The following CTNNA1 variants were observed in gnomAD, a reference collection of about 807,000 sequenced individuals.
CTNNA1 encodes catenin alpha 1, also known as catenin alpha-1.
A neutral mutation model predicts 98.4 loss-of-function variants in CTNNA1; 37 were observed. The observed-to-expected ratio is 0.38, with a 90% confidence interval of 0.29 to 0.49. The LOEUF is 0.49. Ranked by LOEUF, CTNNA1 falls within the 20% of genes least tolerant of loss-of-function variation. The pLI is 0.95. For missense variants in CTNNA1, 761 were observed against 1,147.2 expected (o/e 0.66, Z 4.86); for synonymous variants, 404 against 413.2 (o/e 0.98, Z 0.27).
At chr5:138,762,488 T>G (rs1413519315) in intron 1 of CTNNA1, among the ~76,000 whole-genome samples, 1 of 15,568 alleles carries the variant, frequency 6.4e-5, no homozygotes, top group Non-Finnish European at 1.6e-4. Flanking sequence ...TTTTCTTTAG[T>G]TTTTTTTTAT....
chr5:138,892,328 GTTTTTTTTT>G lies in CTNNA1; in HGVS notation c.1296+4707_1296+4715del, dbSNP rs70982738. 4.2e-3 allele frequency among the ~76,000 whole-genome samples: 332 copies of G among 79,216 alleles called. 1 individual carries two copies. Among genetic ancestry groups the G allele is most frequent in the African/African-American group, 5.2e-3 (95 of 18,312 alleles). The allele number at this position is 79,216 out of a possible 152,430, so 52.0% of individuals were successfully genotyped here. A position where few individuals can be genotyped will look rare whatever the true frequency, so the allele number is the denominator to read the frequency against. ...TGGAAAAAGAATATAAAATAGCTTAGTTTTTTTTTTTTTTTTTTTTTTTTTTTTTGAGAC... is the reference window on the plus strand; with the variant it reads ...TGGAAAAAGAATATAAAATAGCTTAGTTTTTTTTTTTTTTTTTTTTGAGAC... On this transcript the variant is annotated intron_variant, in intron 9 of 17. Coordinates refer to ENST00000302763, the MANE Select transcript of CTNNA1 (RefSeq NM_001903.5).
chr5:138,802,878 G>A (rs1179517368), intron 3 of CTNNA1, among the ~76,000 whole-genome samples: 2 of 151,772 alleles, frequency 1.3e-5, no homozygotes, highest in African/African-American at 4.8e-5. Flanking sequence ...GCTCACTGTA[G>A]CCTTGACCTC....
chr5:138,885,028 CTT>C (rs1283822425), intron 7 of CTNNA1, among the ~76,000 whole-genome samples: 1 of 152,204 alleles, frequency 6.6e-6, no homozygotes, highest in East Asian at 1.9e-4. Context: ...TATTTCAACT[CTT>C]ACTATTCCCT....
chr5:138,807,784 G>C (rs959658965), intron 3 of CTNNA1, among the ~76,000 whole-genome samples: 1 of 152,088 alleles, frequency 6.6e-6, no homozygotes, highest in Admixed American at 6.6e-5. Flanking sequence ...TTTCACTCTT[G>C]TTGCTCAGGC....
chr5:138,837,290 A>C (rs975900537), intron 7 of CTNNA1, among the ~76,000 whole-genome samples: 8 of 152,116 alleles, frequency 5.3e-5, no homozygotes, highest in Non-Finnish European at 1.0e-4. Context: ...TTTGGAAGTG[A>C]CGTTCGTTAT....
chr5:138,927,787 G>A (rs1335885744), intron 13 of CTNNA1, among the ~76,000 whole-genome samples: 1 of 152,174 alleles, frequency 6.6e-6, no homozygotes, highest in Admixed American at 6.5e-5. Flanking sequence ...TCTTGGGTCT[G>A]CGATGGGGTG....
chr5:138,765,099 G>A (rs1752784855), intron 1 of CTNNA1, among the ~76,000 whole-genome samples: 1 of 151,882 alleles, frequency 6.6e-6, no homozygotes, highest in South Asian at 2.1e-4. Context: ...GGAGTGCAAT[G>A]GCATGATCTC....
In CTNNA1 at chr5:138,777,988, CTTTTTTTT is replaced by C. The variant is rs777826985; in HGVS notation, c.-2-3919_-2-3912del. On this transcript the variant is annotated intron_variant, in intron 1 of 17. Transcript: ENST00000302763. The stretch of plus-strand genomic sequence containing the variant: ...GGAGGGGAAATGTTTCTTAATCTGT[CTTTTTTTT>C]TTTTTTTTTTTTTTTAAACAGAGTC... Among the ~76,000 whole-genome samples, 66 of 14,858 alleles carry C rather than the reference CTTTTTTTT, an allele frequency of 4.4e-3. 2 individuals are homozygous for C. Among genetic ancestry groups the C allele is most frequent in the African/African-American group, 0.018 (61 of 3,358 alleles). 9.7% of individuals were successfully genotyped at this position (14,858 alleles called of 152,430 possible).
At chr5:138,808,063 A>G (rs1007998144) in intron 3 of CTNNA1, among the ~76,000 whole-genome samples, 4 of 152,142 alleles carry the variant, frequency 2.6e-5, no homozygotes, top group African/African-American at 9.7e-5. Context: ...AGACATTATT[A>G]ATATATTTTT....
rs772215795 is a variant in CTNNA1, at chr5:138,873,613, G to C, written c.1063-12599G>C. On this transcript the variant is annotated intron_variant, in intron 7 of 17. Coordinates refer to ENST00000302763, the MANE Select transcript of CTNNA1 (RefSeq NM_001903.5). This position sits in a 1 kb window ranked among gnomAD's most constrained non-coding sequence, Gnocchi z 6.1. Reference sequence around the variant, plus strand: ...AGGAGGCCAGAGCACATATTCGGGCGCTGCATTCCCACAGATTGCCAGAGA... The same window carrying C: ...AGGAGGCCAGAGCACATATTCGGGCCCTGCATTCCCACAGATTGCCAGAGA... 6.2e-7 allele frequency: 1 copy of C among 1,614,004 alleles called. No individual in the cohort carries two copies.
intron 1 of CTNNA1, among the ~76,000 whole-genome samples, chr5:138,772,357 A>G (rs772256224): frequency 3.3e-5 from 5 of 152,228 alleles, no homozygotes; most frequent in Non-Finnish European, 5.9e-5. Context: ...GCTGTAATTC[A>G]TTAAGGTTGG....
At chr5:138,931,293 T>C (rs549944489) in intron 16 of CTNNA1, among the ~76,000 whole-genome samples, 1 of 152,352 alleles carries the variant, frequency 6.6e-6, no homozygotes, top group South Asian at 2.1e-4. Flanking sequence ...ACTGTGTTTC[T>C]CAGCCACCCC....
At chr5:138,829,017 G>C (rs1468144952) in intron 7 of CTNNA1, among the ~76,000 whole-genome samples, 1 of 152,148 alleles carries the variant, frequency 6.6e-6, no homozygotes, top group East Asian at 1.9e-4. Context: ...AGCTACTCGG[G>C]AGGCTGAGGC....
chr5:138,892,379 GCCCA>G (rs1561668358), intron 9 of CTNNA1, among the ~76,000 whole-genome samples: 3 of 115,956 alleles, frequency 2.6e-5, no homozygotes, highest in Non-Finnish European at 4.9e-5. Context: ...TTGCTCTGTC[GCCCA>G]GGCTGGAGTG....
At chr5:138,922,894 G>A (rs140009928) in intron 11 of CTNNA1, among the ~76,000 whole-genome samples, 342 of 151,698 alleles carry the variant, frequency 2.3e-3, no homozygotes, top group African/African-American at 6.9e-3. Context: ...TCATCTAGAA[G>A]GCGGCCAGGA....
intron 11 of CTNNA1, among the ~76,000 whole-genome samples, chr5:138,922,484 G>A (rs1189781444): frequency 2.0e-5 from 3 of 152,128 alleles, no homozygotes; most frequent in Admixed American, 1.3e-4. Context: ...ACATATAGTT[G>A]TCTGTATTTT....
intron 3 of CTNNA1, among the ~76,000 whole-genome samples, chr5:138,805,638 G>T (rs1003757654): frequency 2.0e-5 from 3 of 151,642 alleles, no homozygotes; most frequent in African/African-American, 7.3e-5. Flanking sequence ...TTTTAAAGAA[G>T]CCAGGTCTTG....
At chr5:138,821,052 A>C (rs1213533200) in intron 5 of CTNNA1, among the ~76,000 whole-genome samples, 1 of 152,228 alleles carries the variant, frequency 6.6e-6, no homozygotes, top group Non-Finnish European at 1.5e-5. Flanking sequence ...ATATTTGTTT[A>C]ACAACTGAGT....
chr5:138,890,837 T>C (rs953300158), intron 9 of CTNNA1, among the ~76,000 whole-genome samples: 4 of 152,198 alleles, frequency 2.6e-5, no homozygotes, highest in Non-Finnish European at 5.9e-5. Flanking sequence ...ATGAATAACA[T>C]TCTTCCATTA....
Sources: allele counts gnomAD v4.1 joint callset (sites outside exome capture counted in the v4.1 genomes callset), GRCh38; gene constraint gnomAD v4.1.1; non-coding constraint Gnocchi (gnomAD v3.1); transcripts MANE v1.5; gene names NCBI Gene and HGNC (gene_info 2026-07-23, HGNC 2026-07-21).